Variants in PBDC1 observed in about 807,000 individuals in gnomAD.
PBDC1 encodes the protein protein PBDC1.
PBDC1 carries 3 observed loss-of-function variants against 12.0 expected under a neutral mutation model. The ratio of observed to expected loss-of-function variants is 0.25; its 90% CI spans 0.11 to 0.64. The LOEUF (loss-of-function observed/expected upper bound fraction) is 0.64. Ranked by LOEUF, PBDC1 falls within the 30% of genes least tolerant of loss-of-function variation. The pLI is 0.84. For synonymous variants in PBDC1, 64 were observed against 56.4 expected, an observed-to-expected ratio of 1.13 and a Z score of -0.60; for missense variants, 162 against 168.1, an observed-to-expected ratio of 0.96 and a Z score of 0.20.
Position 76,173,660 on chromosome X carries a change from A to T in PBDC1, c.96+10A>T. 1 of 1,138,512 alleles carries T rather than the reference A, an allele frequency of 8.8e-7. No individual in the cohort carries two copies. Among genetic ancestry groups the T allele is most frequent in the Admixed American group, 2.4e-5 (1 of 40,992 alleles). The allele number at this position is 1,138,512 out of a possible 1,213,427, so 93.8% of individuals were successfully genotyped here. On this transcript the variant is annotated intron_variant, in intron 2 of 5. Transcript: ENST00000373358. ...GTCGTATGGCAACGATGTGAGTATG[A>T]CTCACCCACAGCTCCCACCCACTCA...
chrX:76,175,132 C>T (rs1170991240), intron 3 of PBDC1, among the ~76,000 whole-genome samples, 183 bp downstream of exon 3: 1 of 112,895 alleles, frequency 8.9e-6, no homozygotes, highest in Non-Finnish European at 1.9e-5. Context: ...ATGAGTTCTG[C>T]TGCTTTGCCC....
At position 76,178,053 on chromosome X, in the gene PBDC1, T is replaced by G; in HGVS notation, c.*145T>G. ...GAAGGACATCTTTCTAGTCTAACAG[T>G]CAGGAGCTGCTCTGGTCATTCCCTT... On this transcript the variant is annotated 3_prime_UTR_variant, in exon 6 of 6. Transcript: ENST00000373358. 1 of 1,055,057 alleles carries G rather than the reference T, an allele frequency of 9.5e-7. No homozygotes were observed. The highest frequency in any genetic ancestry group is 1.3e-6 in the Non-Finnish European group (1 of 787,110). 86.9% of individuals were successfully genotyped at this position (1,055,057 alleles called of 1,213,427 possible).
In PBDC1 at chrX:76,175,516, T is replaced by C. The variant is rs145521590; in HGVS notation, c.200T>C (p.Val67Ala). 1.3e-5 allele frequency: 16 copies of C among 1,205,311 alleles called. No homozygotes were observed. In the African/African-American group the frequency reaches 1.8e-4, roughly 13 times the overall value. ...CCACAGTTCCTGAAACTCACCAAAGTAGATGACCAAATTTACTCTGAGTTC... is the reference window on the plus strand; with the variant it reads ...CCACAGTTCCTGAAACTCACCAAAGCAGATGACCAAATTTACTCTGAGTTC... ...VDPQFLKLTKVDDQIYSEFRK... is the reference protein window; with the variant it reads ...VDPQFLKLTKADDQIYSEFRK... Residue 67 changes from valine (V) to alanine (A), a missense_variant, in exon 4 of 6, where the codon GTA becomes GCA. Physicochemically the swap from Val to Ala is moderately conservative, Grantham distance 64. Around this residue, in one of 3 missense-constraint regions of PBDC1, gnomAD observed 21 missense variants for 43.4 expected, o/e 0.48. Coordinates refer to ENST00000373358, the MANE Select transcript of PBDC1 (RefSeq NM_016500.5).
At chrX:76,175,645 C>T in intron 4 of PBDC1, 32 bp downstream of exon 4, 1 of 1,079,724 alleles carries the variant, frequency 9.3e-7, no homozygotes, top group Non-Finnish European at 1.2e-6. Flanking sequence ...TATTACTTAG[C>T]ATTTAACCAA....
intron 2 of PBDC1, among the ~76,000 whole-genome samples, chrX:76,174,531 C>T (rs931724423): frequency 1.8e-5 from 2 of 112,072 alleles, no homozygotes; most frequent in South Asian, 3.7e-4. Context: ...ATTCTTTGTT[C>T]TCCCAACAAC....
At chrX:76,174,755 T>C in intron 2 of PBDC1, 135 bp from the exon 3 acceptor site, 1 of 506,323 alleles carries the variant, frequency 2.0e-6, no homozygotes, top group East Asian at 3.4e-5. Flanking sequence ...ATTACTCCAG[T>C]TTTTATCATT....
At chrX:76,173,780 C>G (rs1156352099) in intron 2 of PBDC1, 130 bp downstream of exon 2, 1 of 350,244 alleles carries the variant, frequency 2.9e-6, no homozygotes, top group Non-Finnish European at 4.7e-6. Flanking sequence ...ACACCAGAAA[C>G]TGCACCTTCG....
rs1480915886 is a variant in PBDC1, at chrX:76,175,470, C to T, written c.157-3C>T. 3.3e-6 allele frequency: 4 copies of T among 1,204,732 alleles called. No homozygotes were observed. In the African/African-American group the frequency reaches 7.0e-5, roughly 21 times the overall value. ...ATCTGTATGTTGTCTTACTGTTTCGCAGCTGATTTCATCAGTTGACCCACA... is the reference window on the plus strand; with the variant it reads ...ATCTGTATGTTGTCTTACTGTTTCGTAGCTGATTTCATCAGTTGACCCACA... On this transcript the variant is annotated splice_polypyrimidine_tract_variant and splice_region_variant and intron_variant, in intron 3 of 5. Transcript: ENST00000373358.
chrX:76,177,064 G>A, intron 5 of PBDC1, 72 bp downstream of exon 5: 6 of 652,100 alleles, frequency 9.2e-6, no homozygotes, highest in Non-Finnish European at 1.5e-5. Context: ...ATGAATCAGT[G>A]ATGTGTATAG....
At chrX:76,176,445 A>C (rs1237386717) in intron 4 of PBDC1, among the ~76,000 whole-genome samples, 1 of 111,245 alleles carries the variant, frequency 9.0e-6, no homozygotes, top group Non-Finnish European at 1.9e-5. Flanking sequence ...GTGAGCCACC[A>C]CACCCAGCCA....
At chrX:76,175,928 G>A (rs1924777823) in intron 4 of PBDC1, among the ~76,000 whole-genome samples, 1 of 111,087 alleles carries the variant, frequency 9.0e-6, no homozygotes. Context: ...GTGGCAAATA[G>A]GGTATAGGAA....
At position 76,175,594 on chromosome X, in the gene PBDC1, A is replaced by G. The variant is rs200047557; in HGVS notation, c.278A>G (p.Lys93Arg). The G allele has an allele frequency of 8.4e-7, 1 of 1,196,862 alleles. No homozygotes were observed. The highest frequency in any genetic ancestry group is 1.1e-6 in the Non-Finnish European group (1 of 889,328). Residue 93 changes from lysine (K) to arginine (R), a missense_variant, in exon 4 of 6, where the codon AAG becomes AGG. This residue lies in a region of PBDC1 where 21 missense variants were observed against 43.4 expected (regional missense o/e 0.48). Transcript: ENST00000373358. ...GATGTGTTGGACCCAGAAGAACTCA[A>G]GTCAGAATCAGCCAAAGAGGTAAAA... is the stretch of plus-strand genomic sequence containing the variant. ...RIDVLDPEEL[K>R]SESAKEKWRP...
chrX:76,175,656 C>T (rs1275750086), intron 4 of PBDC1, 43 bp downstream of exon 4: 1 of 1,028,903 alleles, frequency 9.7e-7, no homozygotes, highest in African/African-American at 1.9e-5. Context: ...ATTTAACCAA[C>T]AATTTTTGAT....
At position 76,176,999 on chromosome X, in the gene PBDC1, T is replaced by A. The variant is rs782607213; in HGVS notation, c.409+7T>A. 17 of 1,120,732 alleles carry A rather than the reference T, an allele frequency of 1.5e-5. No homozygotes were observed. The highest frequency in any genetic ancestry group is 2.1e-5 in the Non-Finnish European group (17 of 814,844). The allele number at this position is 1,120,732 out of a possible 1,213,427, so 92.4% of individuals were successfully genotyped here. On this transcript the variant is annotated splice_region_variant and intron_variant, in intron 5 of 5. Coordinates refer to ENST00000373358, the MANE Select transcript of PBDC1 (RefSeq NM_016500.5). Reference sequence around the variant, plus strand: ...GAGGAAAACACCATCTTTGGTGAGTTTCTTCCCTCTGGAATTGTTTCTGTG... The same window carrying A: ...GAGGAAAACACCATCTTTGGTGAGTATCTTCCCTCTGGAATTGTTTCTGTG...
rs782709186 is a variant in PBDC1, at chrX:76,177,658, G to A, written c.452G>A (p.Arg151Gln). 22 of 1,187,016 alleles carry A rather than the reference G, an allele frequency of 1.9e-5. No homozygotes were observed. In the East Asian group the frequency reaches 3.0e-4, roughly 16 times the overall value. Residue 151 changes from arginine to glutamine, a missense_variant, in exon 6 of 6, where the codon CGG becomes CAG. Coordinates refer to ENST00000373358, the MANE Select transcript of PBDC1 (RefSeq NM_016500.5). Reference protein sequence around the residue: ...QFFAIEIARNREGYNKAVYIS... With the variant: ...QFFAIEIARNQEGYNKAVYIS... ...TTTGCCATTGAAATTGCTCGGAACC[G>A]GGAAGGCTATAACAAAGCTGTTTAT...
intron 4 of PBDC1, 49 bp from the exon 5 acceptor site, chrX:76,176,832 C>T (rs1556796994): frequency 8.3e-6 from 7 of 838,935 alleles, no homozygotes; most frequent in Middle Eastern, 5.5e-4. Context: ...GGCCTTAGTA[C>T]GTCAGCCTCT....
chrX:76,174,365 C>T (rs190885328), intron 2 of PBDC1, among the ~76,000 whole-genome samples: 94 of 111,900 alleles, frequency 8.4e-4, no homozygotes, highest in African/African-American at 2.9e-3. Flanking sequence ...CCAGTGGAAC[C>T]TCCAGTGGGG....
chrX:76,173,315 C>T, intron 1 of PBDC1, 147 bp downstream of exon 1: 1 of 540,735 alleles, frequency 1.8e-6, no homozygotes, highest in Non-Finnish European at 2.9e-6. Context: ...CGACCTCCAG[C>T]GCTCAGATCT....
Position 76,177,616 on chromosome X carries a change from C to T in PBDC1, c.410C>T (p.Ala137Val). ...ATAATCAATTCTGTTCACTTTTCAG[C>T]CCCCAGGATACAATTCTTTGCCATT... ...QGYTEENTIF[A>V]PRIQFFAIEI... Residue 137 changes from alanine to valine, a missense_variant and splice_region_variant, in exon 6 of 6, where the codon GCC (alanine) becomes GTC (valine). Ala to Val is a moderately conservative substitution (Grantham distance 64, BLOSUM62 0). Coordinates refer to ENST00000373358, the MANE Select transcript of PBDC1 (RefSeq NM_016500.5). The T allele has an allele frequency of 8.6e-7, 1 of 1,167,825 alleles. No homozygotes were observed. Among genetic ancestry groups the T allele is most frequent in the Non-Finnish European group, 1.1e-6 (1 of 878,966 alleles).
Sources: gnomAD v4.1 joint callset for allele counts (sites outside exome capture counted in the v4.1 genomes callset) on GRCh38, gnomAD v4.1.1 for gene constraint, gnomAD v4.1.1 regional missense constraint, MANE v1.5 for transcripts, NCBI Gene and HGNC (gene_info 2026-07-23, HGNC 2026-07-21) for gene names.